RBPJ: variants seen among roughly 807,000 people sequenced by gnomAD.
RBPJ encodes the protein recombination signal binding protein for immunoglobulin kappa J region, also known as recombining binding protein suppressor of hairless.
Under a neutral mutation model 67.8 loss-of-function variants are expected in RBPJ, and 9 were observed. The observed-to-expected ratio is 0.13, with a 90% CI of 0.08 to 0.23. The LOEUF is 0.23. Among genes scored for constraint, RBPJ ranks in the 10% least tolerant of loss-of-function variants. The pLI is 1.00. For missense variants in RBPJ, 305 were observed against 595.6 expected (o/e 0.51, Z 5.08); for synonymous variants, 198 against 203.3 (o/e 0.97, Z 0.22).
At chr4:26,144,681 C>T in the RBPJ span, among the ~76,000 whole-genome samples, 1 of 152,226 alleles carries the variant, frequency 6.6e-6, no homozygotes. Context: ...TAGCCACCCA[C>T]ACCCCAGTAG....
At chr4:26,411,617 A>G (rs1203100307) in intron 3 of RBPJ, among the ~76,000 whole-genome samples, 1 of 150,954 alleles carries the variant, frequency 6.6e-6, no homozygotes, top group Non-Finnish European at 1.5e-5. Context: ...AAAAGTCTTC[A>G]TTTTTCTTAT....
intron 1 of RBPJ, among the ~76,000 whole-genome samples, chr4:26,260,990 T>C (rs917689584): frequency 7.2e-5 from 11 of 152,188 alleles, no homozygotes; most frequent in African/African-American, 2.7e-4. Flanking sequence ...ACATGACCAA[T>C]GTTATACTCC....
chr4:26,294,841 A>G (rs1013851170), intron 1 of RBPJ, among the ~76,000 whole-genome samples: 1 of 151,064 alleles, frequency 6.6e-6, no homozygotes, highest in Admixed American at 6.6e-5. Flanking sequence ...GCGCCATTGC[A>G]CTCCAGCCTG....
intron 1 of RBPJ, among the ~76,000 whole-genome samples, chr4:26,368,993 T>C (rs147267309): frequency 6.6e-6 from 1 of 152,328 alleles, no homozygotes; most frequent in Non-Finnish European, 1.5e-5. Context: ...AATCTGTTCT[T>C]TCCCCTACCC....
At chr4:26,412,177 A>G (rs975383504) in intron 3 of RBPJ, among the ~76,000 whole-genome samples, 57 of 151,658 alleles carry the variant, frequency 3.8e-4, no homozygotes, top group Admixed American at 3.3e-3. Flanking sequence ...TGTATTTGGC[A>G]TATAGGTTGC....
chr4:26,291,491 T>C (rs1457704400), intron 1 of RBPJ, among the ~76,000 whole-genome samples: 2 of 150,338 alleles, frequency 1.3e-5, no homozygotes, highest in Non-Finnish European at 3.0e-5. Flanking sequence ...TTCTGGGGAG[T>C]TGTAGAATAA....
chr4:26,284,012 G>T (rs879577361), intron 1 of RBPJ, among the ~76,000 whole-genome samples: 4 of 152,118 alleles, frequency 2.6e-5, no homozygotes, highest in Non-Finnish European at 5.9e-5. Flanking sequence ...AAATGCTATT[G>T]GGTAGGTCAA....
the RBPJ span, among the ~76,000 whole-genome samples, chr4:26,125,860 T>C: frequency 6.6e-6 from 1 of 151,970 alleles, no homozygotes; most frequent in African/African-American, 2.4e-5. Flanking sequence ...TGGCGGATTA[T>C]AGGATGCCTG....
chr4:26,403,192 A>G (rs997930310), intron 2 of RBPJ, among the ~76,000 whole-genome samples: 3 of 151,958 alleles, frequency 2.0e-5, no homozygotes, highest in African/African-American at 7.2e-5. Context: ...GCTTGAGAGA[A>G]AATTGACTGG....
intron 1 of RBPJ, among the ~76,000 whole-genome samples, chr4:26,273,458 C>T (rs1012876252): frequency 2.6e-5 from 4 of 152,198 alleles, no homozygotes; most frequent in African/African-American, 4.8e-5. Flanking sequence ...GAGCGTGGAG[C>T]GGGCCTCCCG....
chr4:26,215,297 A>G lies in RBPJ; in HGVS notation c.-167+51683A>G, dbSNP rs1718664277. On this transcript the variant is annotated intron_variant, in intron 1 of 4. Transcript: ENST00000512351. ...GAAAAAGAGAGAGAAAGAAAGAGAA[A>G]AAGAGAGAGAAAAGAGAAAGAAAGA... 2.0e-5 allele frequency among the ~76,000 whole-genome samples: 2 copies of G among 99,840 alleles called. 1 individual carries two copies. Among genetic ancestry groups the G allele is most frequent in the Non-Finnish European group, 4.0e-5 (2 of 50,226 alleles). 65.5% of individuals were successfully genotyped at this position (99,840 alleles called of 152,430 possible).
intron 1 of RBPJ, among the ~76,000 whole-genome samples, chr4:26,342,615 G>T (rs1389309093): frequency 6.6e-6 from 1 of 152,160 alleles, no homozygotes; most frequent in African/African-American, 2.4e-5. Context: ...CTCAGTCCAG[G>T]CAGATTATAG....
chr4:26,175,170 G>T (rs867190806), intron 1 of RBPJ, among the ~76,000 whole-genome samples: 1 of 152,188 alleles, frequency 6.6e-6, no homozygotes, highest in East Asian at 1.9e-4. Flanking sequence ...ACAGAGCCAC[G>T]CTTTCTTGGC....
At chr4:26,365,728 G>C (rs1295756366) in intron 1 of RBPJ, among the ~76,000 whole-genome samples, 2 of 152,202 alleles carry the variant, frequency 1.3e-5, no homozygotes, top group Non-Finnish European at 2.9e-5. Context: ...ATAAGTTTCA[G>C]TATGCTTTCT....
chr4:26,381,879 A>G (rs1333002894), intron 1 of RBPJ, among the ~76,000 whole-genome samples: 1 of 152,168 alleles, frequency 6.6e-6, no homozygotes, highest in East Asian at 1.9e-4. Flanking sequence ...TAGATTTTAT[A>G]TAGTATGCAG....
chr4:26,374,506 C>T (rs541096104), intron 1 of RBPJ, among the ~76,000 whole-genome samples: 16 of 149,946 alleles, frequency 1.1e-4, no homozygotes, highest in South Asian at 2.1e-4. Context: ...GATGGAATCT[C>T]GCTCTGTCAC....
At chr4:26,319,668 A>T, upstream of RBPJ, 1 of 648,426 alleles carries the variant, frequency 1.5e-6, no homozygotes, top group Admixed American at 2.5e-5. Flanking sequence ...GAGTAGTGGA[A>T]GGCGGTGGGA....
chr4:26,204,459 G>A (rs984168443), intron 1 of RBPJ, among the ~76,000 whole-genome samples: 16 of 152,182 alleles, frequency 1.1e-4, no homozygotes, highest in Admixed American at 8.5e-4. Context: ...CCTTGGGGAC[G>A]GGTCTATGCA....
chr4:26,418,524 G>A (rs1399251515), intron 4 of RBPJ, among the ~76,000 whole-genome samples: 4 of 151,820 alleles, frequency 2.6e-5, no homozygotes, highest in Admixed American at 1.3e-4. Flanking sequence ...TGTTTTTTCC[G>A]AACAAAATGC....
Sources: allele counts gnomAD v4.1 joint callset (sites outside exome capture counted in the v4.1 genomes callset), GRCh38; gene constraint gnomAD v4.1.1; transcripts MANE v1.5; gene names NCBI Gene and HGNC (gene_info 2026-07-23, HGNC 2026-07-21).